The following TAOK1 variants were observed in gnomAD, a reference collection of about 807,000 sequenced individuals.
TAOK1 encodes TAO kinase 1.
TAOK1 carries 21 observed loss-of-function variants against 138.3 expected under a neutral mutation model. That is an observed-to-expected ratio of 0.15 (90% confidence interval 0.11 to 0.22). The LOEUF (loss-of-function observed/expected upper bound fraction) is 0.22, where lower values mean the gene tolerates loss of function less well. TAOK1 is among the 10% of genes least tolerant of loss of function. The pLI is 1.00. For missense variants in TAOK1, 651 were observed against 1,227.7 expected (o/e 0.53, Z 7.02); for synonymous variants, 361 against 398.4 (o/e 0.91, Z 1.12).
intron 18 of TAOK1, among the ~76,000 whole-genome samples, 192 bp from the exon 19 acceptor site, chr17:29,533,919 AGCTTTAT>A (rs1163903506): frequency 6.6e-6 from 1 of 152,036 alleles, no homozygotes; most frequent in Non-Finnish European, 1.5e-5. Context: ...AGCTTATGAT[AGCTTTAT>A]CTTCATACCG....
chr17:29,486,375 G>A (rs1463301899), intron 8 of TAOK1, among the ~76,000 whole-genome samples: 1 of 152,120 alleles, frequency 6.6e-6, no homozygotes, highest in Non-Finnish European at 1.5e-5. Context: ...GCTTATGCCT[G>A]TAATCCCAGC....
intron 11 of TAOK1, 67 bp downstream of exon 11, chr17:29,495,794 C>T: frequency 1.5e-6 from 2 of 1,349,606 alleles, no homozygotes; most frequent in African/African-American, 2.9e-5. Context: ...ATGCAGCTTG[C>T]CCTGCCATAA....
At chr17:29,464,443 CAAAAAAAA>C (rs375412745) in intron 2 of TAOK1, among the ~76,000 whole-genome samples, 1 of 60,574 alleles carries the variant, frequency 1.7e-5, no homozygotes, top group Non-Finnish European at 3.3e-5. Flanking sequence ...GACTCCATCT[CAAAAAAAA>C]AAAAAAAGAA....
rs563560318 is a variant in TAOK1 at position 29,547,126 on chromosome 17, A to G, written c.*4104A>G. The G allele has an allele frequency of 3.3e-5, 5 of 152,268 alleles. No homozygotes were observed. The highest frequency in any genetic ancestry group is 1.9e-4 in the East Asian group (1 of 5,180). 9.4% of individuals were successfully genotyped at this position (152,268 alleles called of 1,614,324 possible). On this transcript the variant is annotated 3_prime_UTR_variant, in exon 20 of 20. Coordinates refer to ENST00000261716, the MANE Select transcript of TAOK1 (RefSeq NM_020791.4). ...TGATGGTGATTCCTCTGCAAAGATG[A>G]TAAGAAAAAGAACCAATAAATCACA...
chr17:29,506,054 G>T (rs2031624715), intron 13 of TAOK1, among the ~76,000 whole-genome samples: 1 of 152,218 alleles, frequency 6.6e-6, no homozygotes, highest in South Asian at 2.1e-4. Context: ...AAATGGTGTG[G>T]AGGTTCCTCA....
intron 1 of TAOK1, among the ~76,000 whole-genome samples, chr17:29,411,192 C>T (rs1479333708): frequency 2.1e-5 from 3 of 143,488 alleles, no homozygotes; most frequent in Admixed American, 1.4e-4. Context: ...TCCGGGTTCA[C>T]GCCATTCTCC....
At chr17:29,536,018 C>A (rs1209361002) in intron 19 of TAOK1, among the ~76,000 whole-genome samples, 1 of 151,970 alleles carries the variant, frequency 6.6e-6, no homozygotes, top group Non-Finnish European at 1.5e-5. Context: ...TAAGGCCAGG[C>A]ACAGTGGCTC....
At chr17:29,510,081 T>C (rs897506190) in intron 14 of TAOK1, among the ~76,000 whole-genome samples, 1 of 150,178 alleles carries the variant, frequency 6.7e-6, no homozygotes, top group African/African-American at 2.4e-5. Flanking sequence ...TGAACATTTA[T>C]AGAAAAAATT....
At chr17:29,517,842 A>G (rs928049921) in intron 16 of TAOK1, among the ~76,000 whole-genome samples, 186 bp downstream of exon 16, 6 of 151,900 alleles carry the variant, frequency 3.9e-5, no homozygotes, top group Admixed American at 1.3e-4. Context: ...ATTTCCTCAA[A>G]ATCTCTTTCT....
intron 15 of TAOK1, 75 bp downstream of exon 15, chr17:29,511,067 G>A: frequency 7.3e-7 from 1 of 1,364,238 alleles, no homozygotes; most frequent in Non-Finnish European, 9.9e-7. Flanking sequence ...ACTCATAGAA[G>A]CATTAGGATA....
At chr17:29,489,837 A>T in intron 9 of TAOK1, 80 bp downstream of exon 9, 7 of 1,040,982 alleles carry the variant, frequency 6.7e-6, no homozygotes, top group Non-Finnish European at 8.3e-6. Context: ...AAGTGATTTA[A>T]TTTCAGTTAG....
chr17:29,520,181 A>C (rs1454380370), intron 16 of TAOK1, among the ~76,000 whole-genome samples: 2 of 149,180 alleles, frequency 1.3e-5, no homozygotes, highest in African/African-American at 5.1e-5. Context: ...ACTCTGTCTG[A>C]AGAAAAAAAA....
chr17:29,451,783 TA>T (rs1458588761), intron 2 of TAOK1, 103 bp downstream of exon 2: 1 of 1,352,174 alleles, frequency 7.4e-7, no homozygotes, highest in Non-Finnish European at 9.9e-7. Flanking sequence ...ATAGTCATTT[TA>T]TAGTCACTTG....
At chr17:29,457,613 C>CCT (rs2030419964) in intron 2 of TAOK1, among the ~76,000 whole-genome samples, 2 of 150,856 alleles carry the variant, frequency 1.3e-5, no homozygotes, top group Non-Finnish European at 3.0e-5. Flanking sequence ...ACCATGTTGG[C>CCT]CAGGCTGGTC....
intron 1 of TAOK1, among the ~76,000 whole-genome samples, chr17:29,423,450 C>G (rs1053952681): frequency 1.3e-5 from 2 of 151,808 alleles, no homozygotes; most frequent in Non-Finnish European, 2.9e-5. Flanking sequence ...ATCTCCTGAC[C>G]TCATGATCCA....
chr17:29,468,152 T>TTTTTTTTTTTTTTTTTTTTTTTTG (rs1471553746), intron 3 of TAOK1, among the ~76,000 whole-genome samples: 2 of 145,784 alleles, frequency 1.4e-5, no homozygotes, highest in Non-Finnish European at 1.5e-5. Flanking sequence ...TTTTTTTTTT[T>TTTTTTTTTTTTTTTTTTTTTTTTG]AGGAGCTGGA....
intron 1 of TAOK1, among the ~76,000 whole-genome samples, chr17:29,413,922 GC>G (rs1435445062): frequency 8.6e-6 from 1 of 116,880 alleles, no homozygotes; most frequent in Admixed American, 1.2e-4. Flanking sequence ...TTGCTCTATC[GC>G]CCAGGCTGGA....
chr17:29,486,547 C>T (rs1344050656), intron 8 of TAOK1, among the ~76,000 whole-genome samples: 5 of 151,922 alleles, frequency 3.3e-5, no homozygotes, highest in African/African-American at 1.2e-4. Context: ...GCAGGAGGAT[C>T]TCTTGAACCG....
At chr17:29,462,489 T>A (rs1055986824) in intron 2 of TAOK1, among the ~76,000 whole-genome samples, 2 of 152,204 alleles carry the variant, frequency 1.3e-5, no homozygotes, top group African/African-American at 4.8e-5. Context: ...CCATGTATGG[T>A]CCCAGCAAAA....
Sources: allele counts gnomAD v4.1 joint callset (sites outside exome capture counted in the v4.1 genomes callset), GRCh38; gene constraint gnomAD v4.1.1; transcripts MANE v1.5; gene names NCBI Gene and HGNC (gene_info 2026-07-23, HGNC 2026-07-21).